Variants in GPR158 observed in about 807,000 individuals in gnomAD.
GPR158 encodes the protein G protein-coupled receptor 158, also known as metabotropic glycine receptor.
In GPR158, 30 loss-of-function variants were observed where a neutral mutation model predicts 78.2. The ratio of observed to expected loss-of-function variants is 0.38; its 90% CI spans 0.29 to 0.52. The LOEUF is 0.52. Among genes scored for constraint, GPR158 ranks in the 20% least tolerant of loss-of-function variants. The pLI is 0.83. For missense variants in GPR158, 1,463 were observed against 1,523.5 expected, an observed-to-expected ratio of 0.96 and a Z score of 0.66; for synonymous variants, 581 against 591.1, an observed-to-expected ratio of 0.98 and a Z score of 0.25.
chr10:25,463,500 A>G (rs554212322), intron 4 of GPR158, among the ~76,000 whole-genome samples: 1 of 152,228 alleles, frequency 6.6e-6, no homozygotes, highest in African/African-American at 2.4e-5. Flanking sequence ...TGTTTTATGT[A>G]TATGTGTTTT....
At chr10:25,356,847 G>A (rs71495434) in intron 2 of GPR158, among the ~76,000 whole-genome samples, 9,149 of 152,104 alleles carry the variant, frequency 0.06, 620 homozygotes, top group African/African-American at 0.17. Context: ...CTGAAAATGT[G>A]GAAATGACTT....
chr10:25,579,328 C>T (rs376385005), intron 7 of GPR158, among the ~76,000 whole-genome samples: 1 of 152,194 alleles, frequency 6.6e-6, no homozygotes, highest in African/African-American at 2.4e-5. Flanking sequence ...ATTGACTTCT[C>T]ATGCCTGAAT....
chr10:25,198,809 C>G (rs530065980), intron 1 of GPR158, among the ~76,000 whole-genome samples: 1 of 151,874 alleles, frequency 6.6e-6, no homozygotes, highest in Non-Finnish European at 1.5e-5. Context: ...GTTTGGTTGT[C>G]GGATGGTCTA....
At chr10:25,507,376 C>T (rs1371778959) in intron 5 of GPR158, among the ~76,000 whole-genome samples, 1 of 152,230 alleles carries the variant, frequency 6.6e-6, no homozygotes, top group East Asian at 1.9e-4. Flanking sequence ...AGGAAGCACA[C>T]ACATTCAGAG....
At chr10:25,524,197 T>A (rs1228178254) in intron 5 of GPR158, among the ~76,000 whole-genome samples, 2 of 152,228 alleles carry the variant, frequency 1.3e-5, no homozygotes, top group East Asian at 3.8e-4. Flanking sequence ...ATTAGAAAAC[T>A]GAATAGGTTA....
At chr10:25,513,378 C>A (rs1234077970) in intron 5 of GPR158, among the ~76,000 whole-genome samples, 2 of 151,680 alleles carry the variant, frequency 1.3e-5, no homozygotes, top group Non-Finnish European at 2.9e-5. Context: ...GTTGTAATAT[C>A]TTTCATTTCT....
intron 5 of GPR158, among the ~76,000 whole-genome samples, chr10:25,504,673 G>A (rs1346934642): frequency 1.3e-5 from 2 of 152,042 alleles, no homozygotes; most frequent in African/African-American, 4.8e-5. Context: ...TGTTCTTTAG[G>A]TGACATCTCA....
chr10:25,589,190 A>G, intron 8 of GPR158, 45 bp downstream of exon 8: 1 of 1,434,682 alleles, frequency 7.0e-7, no homozygotes, highest in Non-Finnish European at 9.6e-7. Flanking sequence ...TATTTTTCTG[A>G]TGTGTTGCTG....
At chr10:25,416,733 C>T (rs995465316) in intron 4 of GPR158, among the ~76,000 whole-genome samples, 11 of 152,040 alleles carry the variant, frequency 7.2e-5, no homozygotes, top group Admixed American at 2.0e-4. Flanking sequence ...CTCATTTTAT[C>T]GATAAGAAAA....
At chr10:25,383,120 C>CA (rs1305806144) in intron 2 of GPR158, among the ~76,000 whole-genome samples, 67 of 152,324 alleles carry the variant, frequency 4.4e-4, no homozygotes, top group African/African-American at 1.6e-3. Flanking sequence ...CAGGCATGAG[C>CA]CGCCGCTCCC....
At chr10:25,469,959 A>G (rs889198416) in intron 5 of GPR158, among the ~76,000 whole-genome samples, 10 of 151,924 alleles carry the variant, frequency 6.6e-5, no homozygotes, top group Admixed American at 6.6e-4. Flanking sequence ...TGAAAATGTC[A>G]GCCAGTTTTA....
intron 5 of GPR158, among the ~76,000 whole-genome samples, chr10:25,510,745 C>G (rs76659472): frequency 6.6e-6 from 1 of 152,100 alleles, no homozygotes; most frequent in Non-Finnish European, 1.5e-5. Context: ...ATCATTCTTA[C>G]GCCTTTGCAT....
intron 4 of GPR158, among the ~76,000 whole-genome samples, chr10:25,429,855 G>A (rs10828804): frequency 0.097 from 13,376 of 137,766 alleles, 587 homozygotes; most frequent in East Asian, 0.14. Flanking sequence ...TTGATGGGAC[G>A]TATCTCAAAA....
intron 2 of GPR158, among the ~76,000 whole-genome samples, chr10:25,357,418 C>T (rs573094814): frequency 1.3e-5 from 2 of 152,226 alleles, no homozygotes; most frequent in Non-Finnish European, 2.9e-5. Context: ...CAGCCTTTCC[C>T]ATTACAGGCC....
chr10:25,498,496 C>T (rs1022069043), intron 5 of GPR158, among the ~76,000 whole-genome samples: 2 of 152,158 alleles, frequency 1.3e-5, no homozygotes, highest in Middle Eastern at 3.4e-3. Context: ...AGGCAGGGCC[C>T]GGGAACCAGC....
At chr10:25,249,023 T>G (rs1853748135) in intron 2 of GPR158, among the ~76,000 whole-genome samples, 1 of 151,280 alleles carries the variant, frequency 6.6e-6, no homozygotes, top group South Asian at 2.1e-4. Context: ...CTTGAAGAGG[T>G]CCTTCACATC....
intron 4 of GPR158, among the ~76,000 whole-genome samples, chr10:25,457,162 T>TA (rs1835302452): frequency 1.4e-5 from 2 of 142,308 alleles, no homozygotes; most frequent in South Asian, 4.7e-4. Flanking sequence ...TTTTTTTTTT[T>TA]TTTTGTATTT....
chr10:25,255,821 T>C (rs1421321160), intron 2 of GPR158, among the ~76,000 whole-genome samples: 1 of 152,218 alleles, frequency 6.6e-6, no homozygotes, highest in Non-Finnish European at 1.5e-5. Context: ...GATTTGAGAT[T>C]ACATCCACAA....
At chr10:25,504,756 T>G (rs945166370) in intron 5 of GPR158, among the ~76,000 whole-genome samples, 1 of 152,236 alleles carries the variant, frequency 6.6e-6, no homozygotes, top group Non-Finnish European at 1.5e-5. Flanking sequence ...CTCTTAAGTT[T>G]ATATAAATTT....
Sources: gnomAD v4.1 joint callset for allele counts (sites outside exome capture counted in the v4.1 genomes callset) on GRCh38, gnomAD v4.1.1 for gene constraint, MANE v1.5 for transcripts, NCBI Gene and HGNC (gene_info 2026-07-23, HGNC 2026-07-21) for gene names.